CBLN2: variants seen among roughly 807,000 people sequenced by gnomAD.
CBLN2 encodes cerebellin-2.
In CBLN2, 7 loss-of-function variants were observed where a neutral mutation model predicts 15.0. The observed-to-expected ratio is 0.47, with a 90% CI of 0.27 to 0.88. The LOEUF is 0.88. CBLN2 is among the 40% of genes least tolerant of loss of function. The probability of loss-of-function intolerance (pLI) is 0.14; values close to 1 mark genes in which losing one functional copy is unlikely to be tolerated. For synonymous variants in CBLN2, 149 were observed against 135.2 expected (o/e 1.10, Z -0.71); for missense variants, 242 against 304.5 (o/e 0.79, Z 1.53).
At chr18:72,605,849 T>C (rs1009731996) in intron 1 of CBLN2, among the ~76,000 whole-genome samples, 1 of 152,268 alleles carries the variant, frequency 6.6e-6, no homozygotes, top group Non-Finnish European at 1.5e-5. Context: ...GTTACTTTTA[T>C]TTCTATCTTG....
At chr18:72,627,928 A>G (rs1053426893) in intron 1 of CBLN2, among the ~76,000 whole-genome samples, 3 of 152,216 alleles carry the variant, frequency 2.0e-5, no homozygotes, top group South Asian at 4.1e-4. Flanking sequence ...TAAAATGCCT[A>G]TGGCCAAATT....
Position 72,560,782 on chromosome 18 carries a change from G to A in CBLN2, c.16-22010C>T, listed in dbSNP as rs575612893. On this transcript the variant is annotated intron_variant, in intron 1 of 2. Transcript: ENST00000581073. ...CCAGCACTTTGGGAGGCCGAGGTGG[G>A]CGGATCACGAGGTCAGGAGATCGAG... Among the ~76,000 whole-genome samples the A allele has an allele frequency of 2.6e-4, 39 of 152,294 alleles. 1 individual carries two copies. Among genetic ancestry groups the A allele is most frequent in the African/African-American group, 8.2e-4 (34 of 41,582 alleles).
intron 1 of CBLN2, among the ~76,000 whole-genome samples, chr18:72,587,635 T>C (rs2069452665): frequency 6.6e-6 from 1 of 152,322 alleles, no homozygotes; most frequent in East Asian, 1.9e-4. Flanking sequence ...CTCTTTCTGT[T>C]TGACTTCAAA....
At chr18:72,571,126 G>A (rs781379025) in intron 1 of CBLN2, among the ~76,000 whole-genome samples, 18 of 151,936 alleles carry the variant, frequency 1.2e-4, no homozygotes, top group Non-Finnish European at 2.4e-4. Flanking sequence ...TAGTATCAGG[G>A]CACTTCTAAT....
chr18:72,627,697 C>A (rs973405915), intron 1 of CBLN2, among the ~76,000 whole-genome samples: 8 of 152,190 alleles, frequency 5.3e-5, no homozygotes, highest in African/African-American at 1.9e-4. Flanking sequence ...ATCCTAAAAC[C>A]TTTTGAATGG....
intron 1 of CBLN2, chr18:72,630,986 T>C (rs1334609396): frequency 6.6e-6 from 1 of 152,164 alleles, no homozygotes; most frequent in African/African-American, 2.4e-5. Context: ...CTAAAATCTT[T>C]ACGGTAACGA....
At chr18:72,586,481 A>G (rs1361923230) in intron 1 of CBLN2, among the ~76,000 whole-genome samples, 1 of 152,228 alleles carries the variant, frequency 6.6e-6, no homozygotes, top group Non-Finnish European at 1.5e-5. Flanking sequence ...AAACAGTGAC[A>G]GTGGAAAGAA....
intron 1 of CBLN2, among the ~76,000 whole-genome samples, chr18:72,556,744 A>T (rs1364950602): frequency 1.3e-5 from 2 of 152,202 alleles, no homozygotes; most frequent in Non-Finnish European, 2.9e-5. Context: ...AAAAGTGGAA[A>T]TTAAACCAAC....
intron 1 of CBLN2, among the ~76,000 whole-genome samples, chr18:72,576,687 T>A (rs570000742): frequency 2.6e-5 from 4 of 152,146 alleles, no homozygotes; most frequent in Non-Finnish European, 5.9e-5. Flanking sequence ...GAGTCTGTGC[T>A]GGGATATGAG....
intron 1 of CBLN2, chr18:72,620,387 G>GGAA (rs759129302): frequency 1.3e-5 from 2 of 152,242 alleles, no homozygotes; most frequent in Non-Finnish European, 2.9e-5. Flanking sequence ...GCTCTCAGCA[G>GGAA]GAAGGGGAGC....
At chr18:72,604,408 T>C (rs1450560730) in intron 1 of CBLN2, among the ~76,000 whole-genome samples, 1 of 152,186 alleles carries the variant, frequency 6.6e-6, no homozygotes, top group Non-Finnish European at 1.5e-5. Context: ...TAATTCACAG[T>C]TTTTATTTTA....
At chr18:72,541,091 C>T (rs947478172) in intron 3 of CBLN2, among the ~76,000 whole-genome samples, 1 of 152,174 alleles carries the variant, frequency 6.6e-6, no homozygotes, top group Non-Finnish European at 1.5e-5. Flanking sequence ...TGCATTGAAC[C>T]AAATGGCATA....
At chr18:72,579,690 C>T (rs961227187) in intron 1 of CBLN2, among the ~76,000 whole-genome samples, 1 of 152,060 alleles carries the variant, frequency 6.6e-6, no homozygotes, top group Non-Finnish European at 1.5e-5. Context: ...CAAGATCATG[C>T]CACTACACTC....
chr18:72,565,795 A>C (rs1233416282), intron 1 of CBLN2, among the ~76,000 whole-genome samples: 2 of 152,196 alleles, frequency 1.3e-5, no homozygotes, highest in African/African-American at 4.8e-5. Context: ...CAGGTGACAA[A>C]AGCAAAAATA....
chr18:72,623,824 T>A (rs1463717418), intron 1 of CBLN2, among the ~76,000 whole-genome samples: 2 of 152,130 alleles, frequency 1.3e-5, no homozygotes, highest in Non-Finnish European at 1.5e-5. Context: ...GGGATTTGCT[T>A]ACACCAATCT....
intron 1 of CBLN2, among the ~76,000 whole-genome samples, chr18:72,565,854 A>G (rs1052859935): frequency 6.6e-6 from 1 of 152,224 alleles, no homozygotes; most frequent in Non-Finnish European, 1.5e-5. Context: ...AGCAGAGGAA[A>G]CAATCAATAG....
intron 1 of CBLN2, among the ~76,000 whole-genome samples, chr18:72,572,890 TTAAG>T (rs1389376396): frequency 6.6e-6 from 1 of 152,054 alleles, no homozygotes; most frequent in Non-Finnish European, 1.5e-5. Context: ...TTTTTAAAAT[TTAAG>T]TATGCTAAAG....
At chr18:72,614,447 T>C (rs533196298) in intron 1 of CBLN2, among the ~76,000 whole-genome samples, 1 of 152,282 alleles carries the variant, frequency 6.6e-6, no homozygotes, top group South Asian at 2.1e-4. Flanking sequence ...TTCAACAGAA[T>C]TGCAAAATAA....
Position 72,537,793 on chromosome 18 carries a change from C to T in CBLN2, c.*383G>A, listed in dbSNP as rs902662053. The T allele has an allele frequency of 7.0e-6, 2 of 286,280 alleles. No individual in the cohort carries two copies. The highest frequency in any genetic ancestry group is 5.0e-5 in the Admixed American group (1 of 19,994). The allele number at this position is 286,280 out of a possible 1,614,324, so 17.7% of individuals were successfully genotyped here. Reference sequence around the variant, plus strand: ...CTCCTACTTCAAGCCCTGACTGCAACCTGCAGCCCATCCTGGAGTCAGGAG... The same window carrying T: ...CTCCTACTTCAAGCCCTGACTGCAATCTGCAGCCCATCCTGGAGTCAGGAG... On this transcript the variant is annotated 3_prime_UTR_variant, in exon 5 of 5. Coordinates refer to ENST00000269503, the MANE Select transcript of CBLN2 (RefSeq NM_182511.4).
Sources: allele counts gnomAD v4.1 joint callset (sites outside exome capture counted in the v4.1 genomes callset), GRCh38; gene constraint gnomAD v4.1.1; transcripts MANE v1.5; gene names NCBI Gene and HGNC (gene_info 2026-07-23, HGNC 2026-07-21).